The following FRS2 variants were observed in gnomAD, a reference collection of about 807,000 sequenced individuals.
FRS2 encodes the protein fibroblast growth factor receptor substrate 2.
A neutral mutation model predicts 43.9 loss-of-function variants in FRS2; 8 were observed. The observed-to-expected ratio is 0.18, with a 90% CI of 0.11 to 0.33. FRS2 has a LOEUF of 0.33. Among genes scored for constraint, FRS2 ranks in the 10% least tolerant of loss-of-function variants. FRS2 has a pLI of 1.00. For synonymous variants in FRS2, 219 were observed against 220.3 expected, an observed-to-expected ratio of 0.99 and a Z score of 0.05; for missense variants, 534 against 627.6, an observed-to-expected ratio of 0.85 and a Z score of 1.59.
chr12:69,501,346 G>A (rs2135545655), intron 1 of FRS2, among the ~76,000 whole-genome samples: 1 of 152,260 alleles, frequency 6.6e-6, no homozygotes, highest in Non-Finnish European at 1.5e-5. Flanking sequence ...ATTTTTAACA[G>A]TGATTCTGTG....
chr12:69,507,101 GAAAT>G (rs1189226069), intron 1 of FRS2, among the ~76,000 whole-genome samples: 1 of 152,114 alleles, frequency 6.6e-6, no homozygotes, highest in Non-Finnish European at 1.5e-5. Flanking sequence ...ATAACTGTAA[GAAAT>G]AAATTTCATA....
chr12:69,477,731 TA>T (rs1242284854), intron 1 of FRS2, among the ~76,000 whole-genome samples: 3 of 148,750 alleles, frequency 2.0e-5, no homozygotes, highest in African/African-American at 5.0e-5. Flanking sequence ...TTTATTTATT[TA>T]TTTATTTATT....
chr12:69,502,177 G>A (rs902884353), intron 1 of FRS2, among the ~76,000 whole-genome samples: 1 of 152,066 alleles, frequency 6.6e-6, no homozygotes, highest in African/African-American at 2.4e-5. Flanking sequence ...TGTTGGCCAG[G>A]CTGGTCTTGA....
In FRS2 at chr12:69,489,513, T is replaced by C. The variant is rs573323544; in HGVS notation, c.-261+18983T>C. On this transcript the variant is annotated intron_variant, in intron 1 of 8. Transcript: ENST00000549921. ...GGTGAAATGCCGTCTCTACTAAAAATACAAAAATTGGCTGGGTGTGGTGGC... is the reference window on the plus strand; with the variant it reads ...GGTGAAATGCCGTCTCTACTAAAAACACAAAAATTGGCTGGGTGTGGTGGC... Among the ~76,000 whole-genome samples the C allele has an allele frequency of 2.3e-3, 345 of 152,010 alleles. 1 individual carries two copies. Among genetic ancestry groups the C allele is most frequent in the South Asian group, 9.6e-3 (46 of 4,802 alleles).
intron 1 of FRS2, among the ~76,000 whole-genome samples, chr12:69,472,464 G>A (rs1031517003): frequency 6.6e-6 from 1 of 152,042 alleles, no homozygotes; most frequent in African/African-American, 2.4e-5. Flanking sequence ...ATTATTTAGA[G>A]CATAAGATTG....
intron 1 of FRS2, chr12:69,491,639 C>T (rs1229430499): frequency 6.6e-6 from 1 of 151,068 alleles, no homozygotes; most frequent in Non-Finnish European, 1.5e-5. Flanking sequence ...TAGGTAGGAC[C>T]ACAGGTGTAC....
chr12:69,508,253 A>G (rs530817860), intron 1 of FRS2, among the ~76,000 whole-genome samples: 1 of 152,268 alleles, frequency 6.6e-6, no homozygotes, highest in South Asian at 2.1e-4. Context: ...CAAAATTTGG[A>G]TTTGACCCAA....
At chr12:69,502,018 T>C in intron 1 of FRS2, among the ~76,000 whole-genome samples, 1 of 151,978 alleles carries the variant, frequency 6.6e-6, no homozygotes, top group Non-Finnish European at 1.5e-5. Context: ...CAGGCTGGAG[T>C]GCAGTGGTAT....
chr12:69,471,009 G>T (rs1018713789), intron 1 of FRS2, among the ~76,000 whole-genome samples: 16 of 152,096 alleles, frequency 1.1e-4, no homozygotes, highest in African/African-American at 3.9e-4. Flanking sequence ...AGGGTGGGGC[G>T]CTGCCTGTAC....
rs1301371934 is a variant in FRS2, at chr12:69,527,289, C to T, written c.-260-3576C>T. Among the ~76,000 whole-genome samples, 3 of 131,854 alleles carry T rather than the reference C, an allele frequency of 2.3e-5. No homozygotes were observed. The East Asian group carries it at 7.4e-4, about 33-fold the overall frequency. 86.5% of individuals were successfully genotyped at this position (131,854 alleles called of 152,430 possible). A position where few individuals can be genotyped will look rare whatever the true frequency, so the allele number is the denominator to read the frequency against. The stretch of plus-strand genomic sequence containing the variant: ...TAATGTATAGCAGTGAATCTTTCTT[C>T]ATTTGTCCTCTTGTCTGAAGCAAGA... On this transcript the variant is annotated intron_variant, in intron 1 of 8. Transcript: ENST00000549921.
chr12:69,488,174 A>G (rs983996873), intron 1 of FRS2, among the ~76,000 whole-genome samples: 4 of 152,238 alleles, frequency 2.6e-5, no homozygotes, highest in Admixed American at 6.5e-5. Flanking sequence ...TCCAATTTTG[A>G]AAGAAGTTCT....
At chr12:69,490,529 A>G (rs1485627820) in intron 1 of FRS2, among the ~76,000 whole-genome samples, 1 of 150,154 alleles carries the variant, frequency 6.7e-6, no homozygotes, top group African/African-American at 2.5e-5. Context: ...TGATTTTGGC[A>G]CTTCTTAGGT....
rs1160690277 is a variant in FRS2 at position 69,577,631 on chromosome 12, A to G, written c.*2676A>G. 1 of 152,582 alleles carries G rather than the reference A, an allele frequency of 6.6e-6. No individual in the cohort carries two copies. Among genetic ancestry groups the G allele is most frequent in the Admixed American group, 6.5e-5 (1 of 15,278 alleles). 9.5% of individuals were successfully genotyped at this position (152,582 alleles called of 1,614,324 possible). A position where few individuals can be genotyped will look rare whatever the true frequency, so the allele number is the denominator to read the frequency against. ...CTGTTTTATCCATACAAATCATAAC[A>G]GCATCTATCCCATGCTAGGGTTGGA... is the stretch of plus-strand genomic sequence containing the variant. On this transcript the variant is annotated 3_prime_UTR_variant, in exon 9 of 9. Transcript: ENST00000549921.
Position 69,575,173 on chromosome 12 carries a change from T to C in FRS2, c.*218T>C. The C allele has an allele frequency of 2.2e-6, 1 of 464,016 alleles. No individual in the cohort carries two copies. The highest frequency in any genetic ancestry group is 4.9e-5 in the South Asian group (1 of 20,328). The allele number at this position is 464,016 out of a possible 1,614,324, so 28.7% of individuals were successfully genotyped here. ...ATATACTACTCGTTGTACAGCAGCA[T>C]TCCCGTTTTCACAGTGCCTATTTAA... On this transcript the variant is annotated 3_prime_UTR_variant, in exon 9 of 9. Transcript: ENST00000549921.
intron 1 of FRS2, among the ~76,000 whole-genome samples, chr12:69,521,262 A>C (rs565519760): frequency 6.6e-6 from 1 of 152,114 alleles, no homozygotes; most frequent in African/African-American, 2.4e-5. Context: ...TTGTATCCTG[A>C]AACTGCTGAA....
At chr12:69,548,945 C>T (rs1244830979) in intron 3 of FRS2, among the ~76,000 whole-genome samples, 2 of 152,126 alleles carry the variant, frequency 1.3e-5, no homozygotes, top group Non-Finnish European at 2.9e-5. Context: ...TCCTAGGGTG[C>T]AGAGTAGAGT....
chr12:69,507,418 CTTGT>C (rs1874043986), intron 1 of FRS2, among the ~76,000 whole-genome samples: 1 of 151,962 alleles, frequency 6.6e-6, no homozygotes, highest in Non-Finnish European at 1.5e-5. Flanking sequence ...TTTTATAATA[CTTGT>C]TTAATTGTTT....
intron 3 of FRS2, among the ~76,000 whole-genome samples, chr12:69,554,580 C>G (rs755600018): frequency 1.1e-4 from 17 of 152,162 alleles, no homozygotes; most frequent in Non-Finnish European, 1.9e-4. Flanking sequence ...ACATATTTGT[C>G]AAAACTAAGA....
intron 3 of FRS2, among the ~76,000 whole-genome samples, chr12:69,555,514 A>G (rs1879263252): frequency 6.6e-6 from 1 of 152,214 alleles, no homozygotes; most frequent in Admixed American, 6.5e-5. Context: ...ATGAGGGGGA[A>G]TGTTACAAAA....
Sources: allele counts gnomAD v4.1 joint callset (sites outside exome capture counted in the v4.1 genomes callset), GRCh38; gene constraint gnomAD v4.1.1; transcripts MANE v1.5; gene names NCBI Gene and HGNC (gene_info 2026-07-23, HGNC 2026-07-21).